GALNT3: variants seen among roughly 807,000 people sequenced by gnomAD.
GALNT3 encodes the protein GalNAc transferase 3.
GALNT3 carries 51 observed loss-of-function variants against 69.8 expected under a neutral mutation model. That is an observed-to-expected ratio of 0.73 (90% confidence interval 0.58 to 0.92). The LOEUF is 0.92. GALNT3 is among the 40% of genes least tolerant of loss of function. GALNT3 has a pLI of 0.00. For missense variants in GALNT3, 711 were observed against 760.0 expected (o/e 0.94, Z 0.76); for synonymous variants, 265 against 248.5 (o/e 1.07, Z -0.63).
At chr2:165,789,965 T>C (rs959256228) in intron 1 of GALNT3, among the ~76,000 whole-genome samples, 1 of 152,160 alleles carries the variant, frequency 6.6e-6, no homozygotes, top group East Asian at 1.9e-4. Flanking sequence ...CAGAGGATGA[T>C]TTTTGAATTA....
At position 165,764,913 on chromosome 2, in the gene GALNT3, A is replaced by T. The variant is rs1157394667; in HGVS notation, c.659T>A (p.Ile220Asn). The stretch of plus-strand genomic sequence containing the variant: ...TACACTAGCATCATCCACCAAAATG[A>T]TTTCCTTCAGCAGTATTGCAGGTGA... ...YSSPAILLKE[I>N]ILVDDASVDE... Residue 220 changes from isoleucine to asparagine, a missense_variant, in exon 3 of 11, where the codon ATC becomes AAC. Transcript: ENST00000392701. 2 of 1,614,080 alleles carry T rather than the reference A, an allele frequency of 1.2e-6. No homozygotes were observed. The highest frequency in any genetic ancestry group is 4.5e-5 in the East Asian group (2 of 44,884).
chr2:165,755,131 CTT>C, intron 7 of GALNT3, 68 bp from the exon 8 acceptor site: 1 of 1,357,230 alleles, frequency 7.4e-7, no homozygotes, highest in Non-Finnish European at 1.0e-6. Flanking sequence ...TTAAAATACT[CTT>C]ATTTGTATTT....
At chr2:165,756,691 T>C (rs78933267) in intron 7 of GALNT3, among the ~76,000 whole-genome samples, 1 of 151,982 alleles carries the variant, frequency 6.6e-6, no homozygotes, top group African/African-American at 2.4e-5. Flanking sequence ...TAAGACACTG[T>C]CTCTATCTCC....
At chr2:165,766,872 T>G (rs1488067507) in intron 2 of GALNT3, among the ~76,000 whole-genome samples, 1 of 152,100 alleles carries the variant, frequency 6.6e-6, no homozygotes, top group Non-Finnish European at 1.5e-5. Context: ...TTTGTAGTGA[T>G]TAAAAAAAGG....
intron 9 of GALNT3, among the ~76,000 whole-genome samples, chr2:165,753,396 T>C: frequency 6.6e-6 from 1 of 151,370 alleles, no homozygotes; most frequent in East Asian, 1.9e-4. Flanking sequence ...CACTAGCTCC[T>C]ACCTACTTTT....
chr2:165,785,744 A>G (rs577205526), intron 1 of GALNT3, among the ~76,000 whole-genome samples: 1 of 152,206 alleles, frequency 6.6e-6, no homozygotes, highest in Non-Finnish European at 1.5e-5. Flanking sequence ...CAGCAAAAAG[A>G]AATTCCGAAC....
In GALNT3 at chr2:165,791,530, A is replaced by G. The variant is rs74580462; in HGVS notation, c.-109+2485T>C. Among the ~76,000 whole-genome samples the G allele has an allele frequency of 7.7e-3, 1,180 of 152,276 alleles. 36 individuals are homozygous for G. The highest frequency in any genetic ancestry group is 0.061 in the Admixed American group (929 of 15,284). ...TATATACACTCACATTGGAGTTTAC[A>G]GAGTTGAGGCAGAGAATAAATTAGT... On this transcript the variant is annotated intron_variant, in intron 1 of 10. Coordinates refer to ENST00000392701, the MANE Select transcript of GALNT3 (RefSeq NM_004482.4).
chr2:165,773,939 G>A (rs1012216784), intron 1 of GALNT3, among the ~76,000 whole-genome samples: 1 of 152,152 alleles, frequency 6.6e-6, no homozygotes. Flanking sequence ...ATTAGACCTG[G>A]CCTAATGGGC....
At chr2:165,774,930 T>TC (rs1370898282) in intron 1 of GALNT3, among the ~76,000 whole-genome samples, 22 of 147,202 alleles carry the variant, frequency 1.5e-4, no homozygotes, top group African/African-American at 5.0e-4. Context: ...TTTTTTTTTT[T>TC]TGTAGAGATG....
At chr2:165,765,272 G>A (rs1336261413) in intron 2 of GALNT3, among the ~76,000 whole-genome samples, 1 of 152,026 alleles carries the variant, frequency 6.6e-6, no homozygotes, top group Non-Finnish European at 1.5e-5. Flanking sequence ...TCTACCAACA[G>A]AGATGACAAC....
rs573840340 is a variant in GALNT3, at chr2:165,759,854, G to A, written c.839-284C>T. 1.5e-4 allele frequency among the ~76,000 whole-genome samples: 23 copies of A among 152,088 alleles called. No homozygotes were observed. In the South Asian group the frequency reaches 2.9e-3, roughly 19 times the overall value. On this transcript the variant is annotated intron_variant, in intron 4 of 10. Transcript: ENST00000392701. ...CCATCACCTTATCGGCTTATGGAGC[G>A]GGTGGTAAGAACATCTAAGATCTAC...
At chr2:165,781,563 G>A (rs371339302) in intron 1 of GALNT3, among the ~76,000 whole-genome samples, 27 of 150,258 alleles carry the variant, frequency 1.8e-4, no homozygotes, top group Non-Finnish European at 3.4e-4. Context: ...CCACCACTGC[G>A]TTCCATCCTG....
chr2:165,755,772 T>C (rs1028993936), intron 7 of GALNT3, among the ~76,000 whole-genome samples: 1 of 152,172 alleles, frequency 6.6e-6, no homozygotes, highest in Non-Finnish European at 1.5e-5. Flanking sequence ...CAAAAGTAAA[T>C]ACTCAATCTT....
chr2:165,774,986 C>T (rs980431166), intron 1 of GALNT3, among the ~76,000 whole-genome samples: 1 of 128,292 alleles, frequency 7.8e-6, no homozygotes, highest in African/African-American at 3.0e-5. Context: ...AACTCCCAAA[C>T]TCAAGGGATC....
intron 4 of GALNT3, among the ~76,000 whole-genome samples, chr2:165,760,126 A>G (rs903061102): frequency 3.3e-5 from 5 of 152,200 alleles, no homozygotes; most frequent in African/African-American, 1.2e-4. Context: ...AAAATGGCCT[A>G]TGAGTCAAAG....
rs1317599503 is a variant in GALNT3 at position 165,754,747 on chromosome 2, G to A, written c.1525-19C>T. On this transcript the variant is annotated intron_variant, in intron 8 of 10. Coordinates refer to ENST00000392701, the MANE Select transcript of GALNT3 (RefSeq NM_004482.4). ...TTTTAATCTAAAGGAAAATTTTCAA[G>A]TTATGAAAAGTTTTTTAATCCATGT... The A allele has an allele frequency of 8.9e-6, 14 of 1,570,306 alleles. No individual in the cohort carries two copies. In the Admixed American group the frequency reaches 1.9e-4, roughly 21 times the overall value.
intron 10 of GALNT3, 65 bp from the exon 11 acceptor site, chr2:165,748,968 A>G (rs1688307660): frequency 2.0e-6 from 3 of 1,496,148 alleles, no homozygotes; most frequent in Admixed American, 1.8e-5. Flanking sequence ...AAATATGAAA[A>G]AGATTTTATG....
chr2:165,762,968 CTTT>C (rs3032482), intron 3 of GALNT3, among the ~76,000 whole-genome samples: 39 of 140,998 alleles, frequency 2.8e-4, no homozygotes, highest in Non-Finnish European at 3.7e-4. Flanking sequence ...CTTTTCTTTT[CTTT>C]TTTTTTTTTT....
chr2:165,757,921 A>G (rs1688474136), intron 6 of GALNT3, among the ~76,000 whole-genome samples: 1 of 152,220 alleles, frequency 6.6e-6, no homozygotes, highest in Non-Finnish European at 1.5e-5. Context: ...CAAGCAAAGA[A>G]TCAGAAAATA....
Sources: allele counts gnomAD v4.1 joint callset (sites outside exome capture counted in the v4.1 genomes callset), GRCh38; gene constraint gnomAD v4.1.1; transcripts MANE v1.5; gene names NCBI Gene and HGNC (gene_info 2026-07-23, HGNC 2026-07-21).